Variants in BICRA observed in about 807,000 individuals in gnomAD.
BICRA encodes BRD4 interacting chromatin remodeling complex associated protein.
In BICRA, 31 loss-of-function variants were observed where a neutral mutation model predicts 96.9. The ratio of observed to expected loss-of-function variants is 0.32; its 90% CI spans 0.24 to 0.43. The LOEUF (loss-of-function observed/expected upper bound fraction) is 0.43, where lower values mean the gene tolerates loss of function less well. Among genes scored for constraint, BICRA ranks in the 20% least tolerant of loss-of-function variants. BICRA has a pLI of 1.00. For synonymous variants in BICRA, 1,350 were observed against 1,071.8 expected, an observed-to-expected ratio of 1.26 and a Z score of -5.07; for missense variants, 2,283 against 2,190.3, an observed-to-expected ratio of 1.04 and a Z score of -0.84.
At chr19:47,650,175 A>G (rs1972520778) in intron 1 of BICRA, among the ~76,000 whole-genome samples, 1 of 152,000 alleles carries the variant, frequency 6.6e-6, no homozygotes, top group Non-Finnish European at 1.5e-5. Context: ...TCTGTCACCT[A>G]GGATGGAGTG....
chr19:47,673,440 AT>A, intron 2 of BICRA, 129 bp from the exon 3 acceptor site: 1 of 725,942 alleles, frequency 1.4e-6, no homozygotes, highest in South Asian at 1.6e-5. Flanking sequence ...GTCCCCATCT[AT>A]CCCCATGGAC....
intron 1 of BICRA, among the ~76,000 whole-genome samples, chr19:47,639,629 ATTTT>A (rs55946534): frequency 0.54 from 56,826 of 105,324 alleles, 15,611 homozygotes; most frequent in East Asian, 0.59. Flanking sequence ...CGGCCAGCCA[ATTTT>A]TTTTTTTTTT....
At chr19:47,682,782 C>T (rs1973086728) in intron 7 of BICRA, among the ~76,000 whole-genome samples, 2 of 151,998 alleles carry the variant, frequency 1.3e-5, no homozygotes, top group Admixed American at 6.6e-5. Flanking sequence ...AGTGATTCTC[C>T]TGCCTCCACC....
intron 1 of BICRA, among the ~76,000 whole-genome samples, chr19:47,654,277 T>C (rs758487922): frequency 6.6e-6 from 1 of 152,188 alleles, no homozygotes; most frequent in Non-Finnish European, 1.5e-5. Flanking sequence ...ACTTCCCTGG[T>C]GGCTAATGAT....
At chr19:47,667,330 G>A (rs757959955) in intron 1 of BICRA, among the ~76,000 whole-genome samples, 12 of 152,164 alleles carry the variant, frequency 7.9e-5, no homozygotes, top group Non-Finnish European at 1.8e-4. Context: ...CATGTCTTTA[G>A]TGTTGTCATT....
chr19:47,620,033 AG>A (rs1972041987), intron 1 of BICRA, among the ~76,000 whole-genome samples: 1 of 152,064 alleles, frequency 6.6e-6, no homozygotes, highest in Non-Finnish European at 1.5e-5. Context: ...AATTTCACAG[AG>A]GGGGAGTCCT....
At chr19:47,694,012 G>A in intron 7 of BICRA, 103 bp from the exon 8 acceptor site, 1 of 1,367,420 alleles carries the variant, frequency 7.3e-7, no homozygotes, top group South Asian at 1.5e-5. Context: ...CTAGGAAGGG[G>A]GCTTCTGGCG....
At chr19:47,650,085 G>A (rs987452144) in intron 1 of BICRA, among the ~76,000 whole-genome samples, 1 of 151,976 alleles carries the variant, frequency 6.6e-6, no homozygotes, top group Non-Finnish European at 1.5e-5. Flanking sequence ...CTGAGTAGCT[G>A]GGATTTACAG....
chr19:47,662,197 T>G (rs1972714279), intron 1 of BICRA: 2 of 152,482 alleles, frequency 1.3e-5, no homozygotes, highest in African/African-American at 4.8e-5. Context: ...CGTAGCTAGG[T>G]GCTTCTGGCC....
chr19:47,692,437 T>C (rs1158282963), intron 7 of BICRA, among the ~76,000 whole-genome samples: 2 of 152,008 alleles, frequency 1.3e-5, no homozygotes, highest in Non-Finnish European at 2.9e-5. Context: ...ATCATATTGA[T>C]CAGGCTGGTC....
intron 1 of BICRA, among the ~76,000 whole-genome samples, chr19:47,632,504 C>T (rs909591148): frequency 6.6e-6 from 1 of 152,182 alleles, no homozygotes; most frequent in Non-Finnish European, 1.5e-5. Context: ...CTGGCACATC[C>T]CAGGTGATGG....
At chr19:47,638,417 C>G (rs1972332776) in intron 1 of BICRA, among the ~76,000 whole-genome samples, 1 of 152,106 alleles carries the variant, frequency 6.6e-6, no homozygotes, top group Non-Finnish European at 1.5e-5. Flanking sequence ...AACACATGCT[C>G]AAGTATAAAA....
intron 1 of BICRA, among the ~76,000 whole-genome samples, chr19:47,635,852 A>C (rs1972293814): frequency 6.6e-6 from 1 of 152,202 alleles, no homozygotes; most frequent in Admixed American, 6.5e-5. Context: ...TTTTCTGCTG[A>C]AATGGATAAA....
chr19:47,673,839 G>A, intron 4 of BICRA, 77 bp downstream of exon 4: 1 of 1,276,388 alleles, frequency 7.8e-7, no homozygotes. Flanking sequence ...GGAGAGACAT[G>A]TCCCTTTGAT....
intron 1 of BICRA, among the ~76,000 whole-genome samples, chr19:47,655,415 C>T (rs1972600113): frequency 6.8e-6 from 1 of 146,148 alleles, no homozygotes; most frequent in African/African-American, 2.6e-5. Flanking sequence ...GTTCCAGATA[C>T]TTGGGAGGTG....
intron 1 of BICRA, among the ~76,000 whole-genome samples, chr19:47,651,956 G>A (rs765937680): frequency 1.3e-5 from 2 of 152,226 alleles, no homozygotes; most frequent in African/African-American, 2.4e-5. Flanking sequence ...GGACAGGAAC[G>A]TTTGAACCGC....
chr19:47,662,016 A>G (rs1972712043), intron 1 of BICRA: 1 of 152,222 alleles, frequency 6.6e-6, no homozygotes, highest in African/African-American at 2.4e-5. Context: ...CTCTTCAGGA[A>G]ACTAAGGTGG....
At position 47,694,219 on chromosome 19, in the gene BICRA, C is replaced by T. The variant is rs1312701442; in HGVS notation, c.2388C>T (p.Pro796=). The change falls in exon 8 of 15, where the codon CCC becomes CCT. Residue 796 remains proline, a synonymous_variant. Transcript: ENST00000594866. ...GCCCCCACCTGCCCTCCCCACACCC[C>T]ACCCGGCCCCCTTCCCGCCCACCCT... The part of the protein sequence containing the change: ...GDSPHLPSPH[P]TRPPSRPPSR... 3 of 1,236,200 alleles carry T rather than the reference C, an allele frequency of 2.4e-6. No individual in the cohort carries two copies. The highest frequency in any genetic ancestry group is 3.3e-6 in the Non-Finnish European group (3 of 909,856). 76.6% of individuals were successfully genotyped at this position (1,236,200 alleles called of 1,614,324 possible).
rs777680075 is a variant in BICRA, at chr19:47,702,457, C to G, written c.*42C>G. 2.1e-6 allele frequency: 3 copies of G among 1,432,300 alleles called. No individual in the cohort carries two copies. The Admixed American group carries it at 1.0e-4, about 48-fold the overall frequency. The allele number at this position is 1,432,300 out of a possible 1,614,324, so 88.7% of individuals were successfully genotyped here. On this transcript the variant is annotated 3_prime_UTR_variant, in exon 15 of 15. Coordinates refer to ENST00000594866, the MANE Select transcript of BICRA (RefSeq NM_001394372.1). ...CTTCCCCGTCCCCTCCTCCCGAAGA[C>G]GCCGGGACAGTCGGGTGTCCGCCCT...
Sources: allele counts gnomAD v4.1 joint callset (sites outside exome capture counted in the v4.1 genomes callset), GRCh38; gene constraint gnomAD v4.1.1; transcripts MANE v1.5; gene names NCBI Gene and HGNC (gene_info 2026-07-23, HGNC 2026-07-21).